NRXN1: variants seen among roughly 807,000 people sequenced by gnomAD.
NRXN1 encodes the protein neurexin 1.
Under a neutral mutation model 150.9 loss-of-function variants are expected in NRXN1, and 39 were observed. The observed-to-expected ratio is 0.26, with a 90% confidence interval of 0.20 to 0.34. The LOEUF (loss-of-function observed/expected upper bound fraction) is 0.34. Among genes scored for constraint, NRXN1 ranks in the 10% least tolerant of loss-of-function variants. NRXN1 has a pLI of 1.00. For missense variants in NRXN1, 1,815 were observed against 1,949.9 expected (o/e 0.93, Z 1.30); for synonymous variants, 924 against 757.0 (o/e 1.22, Z -3.62).
chr2:50,931,635 C>T (rs930780819), intron 2 of NRXN1, among the ~76,000 whole-genome samples: 4 of 151,960 alleles, frequency 2.6e-5, no homozygotes, highest in Admixed American at 2.6e-4. Context: ...GAAAAATGCA[C>T]AGCATATTAA....
intron 22 of NRXN1, 34 bp from the exon 23 acceptor site, chr2:49,922,285 G>A (rs1668358208): frequency 6.3e-7 from 1 of 1,585,244 alleles, no homozygotes; most frequent in African/African-American, 1.3e-5. Context: ...AACACAAAGT[G>A]ATCATTGAGT....
intron 2 of NRXN1, among the ~76,000 whole-genome samples, chr2:50,963,817 C>A (rs191561196): frequency 1.1e-4 from 16 of 151,752 alleles, no homozygotes; most frequent in Non-Finnish European, 2.2e-4. Flanking sequence ...TGCCTTTCTT[C>A]TGTGTATTGA....
intron 17 of NRXN1, among the ~76,000 whole-genome samples, chr2:50,238,378 T>C (rs1276155930): frequency 1.3e-5 from 2 of 152,052 alleles, no homozygotes; most frequent in Non-Finnish European, 2.9e-5. Context: ...TCTCCAGTTG[T>C]CAGTCCCATA....
At chr2:50,920,884 AT>A (rs1369601222) in intron 5 of NRXN1, among the ~76,000 whole-genome samples, 2 of 151,760 alleles carry the variant, frequency 1.3e-5, no homozygotes, top group African/African-American at 4.8e-5. Context: ...AATTGATATC[AT>A]TTCTTACATA....
intron 15 of NRXN1, among the ~76,000 whole-genome samples, chr2:50,489,044 C>G (rs771806241): frequency 8.5e-5 from 13 of 152,194 alleles, no homozygotes; most frequent in Non-Finnish European, 1.5e-4. Flanking sequence ...CTCAAGCCAT[C>G]TAATCACCAT....
chr2:50,501,192 A>G (rs1201523936), intron 13 of NRXN1, among the ~76,000 whole-genome samples: 2 of 152,156 alleles, frequency 1.3e-5, no homozygotes, highest in Non-Finnish European at 2.9e-5. Context: ...GGATTCCAGG[A>G]AGGGGAGACG....
At chr2:50,887,637 T>C (rs891838365) in intron 5 of NRXN1, among the ~76,000 whole-genome samples, 4 of 151,472 alleles carry the variant, frequency 2.6e-5, no homozygotes, top group African/African-American at 9.7e-5. Flanking sequence ...GGCTGAATTG[T>C]GTTAAGTGAT....
intron 10 of NRXN1, among the ~76,000 whole-genome samples, chr2:50,535,114 G>C (rs187463799): frequency 8.3e-4 from 127 of 152,284 alleles, no homozygotes; most frequent in Admixed American, 2.4e-3. Context: ...AATTAGACAA[G>C]AAATGGAAAA....
intron 17 of NRXN1, among the ~76,000 whole-genome samples, chr2:50,307,400 T>C (rs1235413492): frequency 2.6e-5 from 4 of 152,210 alleles, no homozygotes; most frequent in African/African-American, 9.6e-5. Context: ...GCTCTGATTC[T>C]GAATATCTCT....
chr2:50,600,377 T>A (rs1280480630), intron 8 of NRXN1, among the ~76,000 whole-genome samples: 1 of 144,186 alleles, frequency 6.9e-6, no homozygotes, highest in Non-Finnish European at 1.5e-5. Flanking sequence ...CAGGCTGGAG[T>A]GCAGTGGTGC....
intron 17 of NRXN1, among the ~76,000 whole-genome samples, chr2:50,277,173 T>C (rs987524170): frequency 2.0e-5 from 3 of 152,214 alleles, no homozygotes. Context: ...CTAACATTTG[T>C]ATTTAGAAGA....
intron 5 of NRXN1, among the ~76,000 whole-genome samples, chr2:50,773,336 C>A (rs1280154134): frequency 1.3e-5 from 2 of 152,148 alleles, no homozygotes; most frequent in Non-Finnish European, 2.9e-5. Flanking sequence ...TAGCTTTTGA[C>A]ATTTATTATT....
intron 8 of NRXN1, among the ~76,000 whole-genome samples, chr2:50,616,867 G>C (rs1379968409): frequency 6.6e-6 from 1 of 152,130 alleles, no homozygotes; most frequent in Non-Finnish European, 1.5e-5. Context: ...TCATAATTAA[G>C]GGTTTACACA....
intron 8 of NRXN1, among the ~76,000 whole-genome samples, chr2:50,593,589 A>G (rs61309113): frequency 0.067 from 10,211 of 152,250 alleles, 1,141 homozygotes; most frequent in African/African-American, 0.23. Flanking sequence ...TTGGGGTTCT[A>G]TCTGATCCCT....
intron 21 of NRXN1, among the ~76,000 whole-genome samples, chr2:50,025,550 T>G (rs72889541): frequency 0.034 from 5,133 of 152,266 alleles, 291 homozygotes; most frequent in African/African-American, 0.12. Flanking sequence ...GAGGTGGCAG[T>G]GGGAAGAGTA....
chr2:50,623,688 A>G (rs933282238), intron 5 of NRXN1, 73 bp from the exon 6 acceptor site: 1 of 1,061,562 alleles, frequency 9.4e-7, no homozygotes, highest in Middle Eastern at 3.1e-4. Flanking sequence ...TAACAGAAAC[A>G]ATAGCTAATC....
intron 19 of NRXN1, among the ~76,000 whole-genome samples, chr2:50,056,522 T>A (rs907667321): frequency 1.6e-4 from 24 of 152,136 alleles, no homozygotes; most frequent in African/African-American, 5.3e-4. Context: ...ACTAAAACAT[T>A]GTAAAATAAT....
intron 13 of NRXN1, among the ~76,000 whole-genome samples, chr2:50,500,650 C>T (rs577149539): frequency 6.6e-6 from 1 of 152,200 alleles, no homozygotes; most frequent in East Asian, 1.9e-4. Context: ...AAGCAAAATG[C>T]CTCTGATCAC....
chr2:50,967,271 G>A (rs1694254348), intron 2 of NRXN1, among the ~76,000 whole-genome samples: 2 of 151,858 alleles, frequency 1.3e-5, no homozygotes, highest in Non-Finnish European at 2.9e-5. Context: ...AGATTTATAT[G>A]AATTCTTTTA....
Sources: gnomAD v4.1 joint callset for allele counts (sites outside exome capture counted in the v4.1 genomes callset) on GRCh38, gnomAD v4.1.1 for gene constraint, MANE v1.5 for transcripts, NCBI Gene and HGNC (gene_info 2026-07-23, HGNC 2026-07-21) for gene names.